The following GDPD5 variants were observed in gnomAD, a reference collection of about 807,000 sequenced individuals.
GDPD5 encodes glycerophosphodiester phosphodiesterase domain containing 5, also known as glycerophosphodiester phosphodiesterase 2.
In GDPD5, 48 loss-of-function variants were observed where a neutral mutation model predicts 75.1. The ratio of observed to expected loss-of-function variants is 0.64; its 90% confidence interval spans 0.51 to 0.81. The LOEUF (loss-of-function observed/expected upper bound fraction) is 0.81. GDPD5 is among the 40% of genes least tolerant of loss of function. The pLI is 0.00. For synonymous variants in GDPD5, 336 were observed against 339.0 expected, an observed-to-expected ratio of 0.99 and a Z score of 0.10; for missense variants, 706 against 822.6, an observed-to-expected ratio of 0.86 and a Z score of 1.73.
chr11:75,456,792 CG>C lies in GDPD5; in HGVS notation c.339del (p.Val114TrpfsTer5), dbSNP rs781150854. On this transcript the variant is annotated frameshift_variant, in exon 6 of 17. Coordinates refer to ENST00000336898, the MANE Select transcript of GDPD5 (RefSeq NM_030792.8). LOFTEE classifies it high-confidence loss of function. ...GLLVLALCHI[A>X]VGQQMNLHWL... ...CAGTGCAGGTTCATCTGCTGCCCCACGGCAATGTGACATAGTGCCAGGACCT... is the reference window on the plus strand; with the variant it reads ...CAGTGCAGGTTCATCTGCTGCCCCACGCAATGTGACATAGTGCCAGGACCT... 1 of 1,614,236 alleles carries C rather than the reference CG, an allele frequency of 6.2e-7. No homozygotes were observed. Among genetic ancestry groups the C allele is most frequent in the South Asian group, 1.1e-5 (1 of 91,086 alleles).
chr11:75,435,715 G>A (rs1337656718), intron 16 of GDPD5, 60 bp from the exon 17 acceptor site: 1 of 1,524,446 alleles, frequency 6.6e-7, no homozygotes, highest in Non-Finnish European at 8.9e-7. Context: ...GAGGATGGGT[G>A]ACAGATGGGG....
At chr11:75,521,719 G>A (rs1225564086) in intron 1 of GDPD5, among the ~76,000 whole-genome samples, 1 of 152,198 alleles carries the variant, frequency 6.6e-6, no homozygotes, top group Non-Finnish European at 1.5e-5. Flanking sequence ...GTTTCTGAGG[G>A]AATTTATGAC....
intron 1 of GDPD5, among the ~76,000 whole-genome samples, chr11:75,492,968 G>A (rs935801005): frequency 6.6e-6 from 1 of 152,094 alleles, no homozygotes; most frequent in African/African-American, 2.4e-5. Context: ...GACCTCAGAT[G>A]ATCCACCCGC....
chr11:75,462,592 TC>T (rs1343944184), intron 4 of GDPD5, among the ~76,000 whole-genome samples, 193 bp downstream of exon 4: 1 of 151,846 alleles, frequency 6.6e-6, no homozygotes, highest in Non-Finnish European at 1.5e-5. Context: ...CACACCAGCC[TC>T]CTCACCAAAG....
chr11:75,438,326 C>T (rs972532714), intron 15 of GDPD5: 1 of 152,330 alleles, frequency 6.6e-6, no homozygotes, highest in Non-Finnish European at 1.5e-5. Context: ...GCCTTGTCCC[C>T]CAGGGTACCT....
At chr11:75,450,343 G>A (rs887879822) in intron 6 of GDPD5, 5 of 313,738 alleles carry the variant, frequency 1.6e-5, no homozygotes, top group Non-Finnish European at 2.4e-5. Context: ...CCAAGGTCCC[G>A]CCCAGCCTCC....
At chr11:75,487,589 C>T (rs368914239) in intron 2 of GDPD5, among the ~76,000 whole-genome samples, 1 of 152,242 alleles carries the variant, frequency 6.6e-6, no homozygotes, top group Non-Finnish European at 1.5e-5. Context: ...TCTCTTTCCA[C>T]GGTGATGCCA....
At chr11:75,445,899 C>A (rs1948974112) in intron 9 of GDPD5, among the ~76,000 whole-genome samples, 1 of 152,212 alleles carries the variant, frequency 6.6e-6, no homozygotes, top group Non-Finnish European at 1.5e-5. Context: ...CAGACCCTAG[C>A]CCAGGACCTG....
chr11:75,474,599 G>A lies in GDPD5; in HGVS notation c.117+3020C>T, dbSNP rs1437256685. Among the ~76,000 whole-genome samples the A allele has an allele frequency of 1.4e-4, 21 of 152,060 alleles. 1 individual carries two copies. ...TTTCCTGCTTCTTTATTTGTTAAGC[G>A]TGTATCCTGGGGGACTGGGGGGCAA... On this transcript the variant is annotated intron_variant, in intron 3 of 16. Coordinates refer to ENST00000336898, the MANE Select transcript of GDPD5 (RefSeq NM_030792.8).
intron 6 of GDPD5, among the ~76,000 whole-genome samples, chr11:75,454,149 TAA>T (rs1163622492): frequency 6.6e-6 from 1 of 152,184 alleles, no homozygotes; most frequent in African/African-American, 2.4e-5. Flanking sequence ...CCCACATCTA[TAA>T]AGAGTTCCTG....
chr11:75,441,584 G>A (rs1343562587), intron 13 of GDPD5, 62 bp downstream of exon 13: 6 of 1,433,008 alleles, frequency 4.2e-6, no homozygotes, highest in East Asian at 2.5e-5. Context: ...GGGTGGTGGT[G>A]GCAGGACTGG....
chr11:75,443,191 G>C lies in GDPD5; in HGVS notation c.893C>G (p.Ser298Cys). 1 of 1,604,822 alleles carries C rather than the reference G, an allele frequency of 6.2e-7. No individual in the cohort carries two copies. The highest frequency in any genetic ancestry group is 8.5e-7 in the Non-Finnish European group (1 of 1,176,242). Residue 298 changes from serine (S) to cysteine (C), a missense_variant, in exon 11 of 17, where the codon TCC becomes TGC. Coordinates refer to ENST00000336898, the MANE Select transcript of GDPD5 (RefSeq NM_030792.8). ...CTGCAGGGTGGTCCAGTTAAGCATG[G>C]AGGCAGGCCTGCGGGCCAGCTCCGG... is the stretch of plus-strand genomic sequence containing the variant. Reference protein sequence around the residue: ...EFPELARRPASMLNWTTLQRL... With the variant: ...EFPELARRPACMLNWTTLQRL...
chr11:75,477,558 C>G (rs1565203734), intron 3 of GDPD5, 61 bp downstream of exon 3: 1 of 1,100,670 alleles, frequency 9.1e-7, no homozygotes, highest in Non-Finnish European at 1.3e-6. Flanking sequence ...ACCCCTCCCC[C>G]AGCCCCTCAG....
At chr11:75,499,915 G>A (rs1344280063) in intron 1 of GDPD5, among the ~76,000 whole-genome samples, 1 of 152,206 alleles carries the variant, frequency 6.6e-6, no homozygotes, top group East Asian at 1.9e-4. Flanking sequence ...CCTGGTTTAC[G>A]AGGATGCTCT....
intron 3 of GDPD5, among the ~76,000 whole-genome samples, chr11:75,469,294 T>G (rs534541488): frequency 6.6e-6 from 1 of 152,310 alleles, no homozygotes; most frequent in South Asian, 2.1e-4. Context: ...CAGAGTCCTG[T>G]GTGAGCTCAC....
intron 1 of GDPD5, among the ~76,000 whole-genome samples, chr11:75,490,951 G>A (rs1304340005): frequency 6.6e-6 from 1 of 152,194 alleles, no homozygotes; most frequent in Non-Finnish European, 1.5e-5. Flanking sequence ...GGAGACTGCA[G>A]ACCAGCATTG....
chr11:75,435,568 G>C lies in GDPD5; in HGVS notation c.1757C>G (p.Pro586Arg), dbSNP rs964545542. ...YDTYANSTAT[P>R]VGPRGGGSHT... ...GCTGCCACCCCCTCGGGGGCCCACA[G>C]GGGTGGCGGTGCTGTTGGCATATGT... The change falls in exon 17 of 17, where the codon CCT (proline) becomes CGT (arginine). Residue 586 changes from proline (P) to arginine (R), a missense_variant. Physicochemically the swap from Pro to Arg is moderately radical, Grantham distance 103. Transcript: ENST00000336898. The C allele has an allele frequency of 6.2e-7, 1 of 1,613,452 alleles. No homozygotes were observed. The highest frequency in any genetic ancestry group is 1.3e-5 in the African/African-American group (1 of 74,946).
intron 4 of GDPD5, among the ~76,000 whole-genome samples, chr11:75,462,527 T>C (rs1205790168): frequency 6.6e-6 from 1 of 152,170 alleles, no homozygotes; most frequent in African/African-American, 2.4e-5. Flanking sequence ...TCCTCTTTCT[T>C]GCCAGTCTGC....
intron 3 of GDPD5, among the ~76,000 whole-genome samples, chr11:75,475,298 C>T (rs890524985): frequency 2.6e-5 from 4 of 152,074 alleles, no homozygotes; most frequent in Non-Finnish European, 1.5e-5. Context: ...CCCCCTGGGG[C>T]GGGGGTGGTG....
Sources: allele counts gnomAD v4.1 joint callset (sites outside exome capture counted in the v4.1 genomes callset), GRCh38; gene constraint gnomAD v4.1.1; transcripts MANE v1.5; gene names NCBI Gene and HGNC (gene_info 2026-07-23, HGNC 2026-07-21).